CAMK1D: variants seen among roughly 807,000 people sequenced by gnomAD.
CAMK1D encodes calcium/calmodulin dependent protein kinase ID.
CAMK1D carries 9 observed loss-of-function variants against 47.7 expected under a neutral mutation model. The ratio of observed to expected loss-of-function variants is 0.19; its 90% CI spans 0.11 to 0.33. The LOEUF is 0.33. Among genes scored for constraint, CAMK1D ranks in the 10% least tolerant of loss-of-function variants. The pLI, the probability that CAMK1D is intolerant of heterozygous loss-of-function variation, is 1.00. For synonymous variants in CAMK1D, 184 were observed against 184.9 expected, an observed-to-expected ratio of 0.99 and a Z score of 0.04; for missense variants, 291 against 488.7, an observed-to-expected ratio of 0.60 and a Z score of 3.81.
At chr10:12,652,354 G>C (rs982637152) in intron 2 of CAMK1D, among the ~76,000 whole-genome samples, 3 of 151,172 alleles carry the variant, frequency 2.0e-5, no homozygotes, top group African/African-American at 7.3e-5. Context: ...GGCAGAGATG[G>C]GCGGATCACA....
chr10:12,587,121 T>C (rs1837842076), intron 2 of CAMK1D, among the ~76,000 whole-genome samples: 2 of 152,210 alleles, frequency 1.3e-5, no homozygotes, highest in African/African-American at 4.8e-5. Context: ...TAGTTGGAAA[T>C]GATCTCTGAG....
intron 2 of CAMK1D, among the ~76,000 whole-genome samples, chr10:12,611,449 T>G (rs192156608): frequency 1.3e-3 from 194 of 152,252 alleles, no homozygotes; most frequent in African/African-American, 4.5e-3. Context: ...GCTCCAGGTC[T>G]GCTTCCAGGT....
chr10:12,767,475 C>A (rs1836821051), intron 4 of CAMK1D, among the ~76,000 whole-genome samples: 1 of 152,128 alleles, frequency 6.6e-6, no homozygotes, highest in African/African-American at 2.4e-5. Context: ...CTGCGCCTAA[C>A]CAGGTCTCAG....
At chr10:12,791,453 A>C (rs572657113) in intron 6 of CAMK1D, among the ~76,000 whole-genome samples, 1 of 152,190 alleles carries the variant, frequency 6.6e-6, no homozygotes, top group East Asian at 1.9e-4. Context: ...CCAAACTGAA[A>C]CTCTACCCCT....
At chr10:12,540,515 A>G (rs1442995936) in intron 1 of CAMK1D, among the ~76,000 whole-genome samples, 1 of 152,210 alleles carries the variant, frequency 6.6e-6, no homozygotes, top group East Asian at 1.9e-4. Context: ...GTAAAGACTT[A>G]GTGCCGCAGA....
rs76034961 is a variant in CAMK1D, at chr10:12,738,047, G to A, written c.300-22901G>A. ...GAAATATTTGTAAGATCTTTGAAAC[G>A]AAGACTCTTCCTCAAGACAATAAAT... On this transcript the variant is annotated intron_variant, in intron 3 of 10. Coordinates refer to ENST00000619168, the MANE Select transcript of CAMK1D (RefSeq NM_153498.4). Among the ~76,000 whole-genome samples the A allele has an allele frequency of 8.0e-3, 1,217 of 152,270 alleles. 12 individuals carry two copies. The highest frequency in any genetic ancestry group is 0.028 in the African/African-American group (1,165 of 41,562).
At chr10:12,740,401 C>G (rs928728192) in intron 3 of CAMK1D, among the ~76,000 whole-genome samples, 6 of 152,234 alleles carry the variant, frequency 3.9e-5, no homozygotes, top group Non-Finnish European at 8.8e-5. Context: ...GAGTTTGAGA[C>G]CAGCCTGGGC....
chr10:12,583,227 A>G (rs1017550894), intron 2 of CAMK1D, among the ~76,000 whole-genome samples: 1 of 152,196 alleles, frequency 6.6e-6, no homozygotes, highest in Non-Finnish European at 1.5e-5. Flanking sequence ...TTGTAGCTCT[A>G]TCTAGAGAAG....
chr10:12,771,618 T>G (rs1021112053), intron 5 of CAMK1D, among the ~76,000 whole-genome samples: 2 of 151,842 alleles, frequency 1.3e-5, no homozygotes, highest in Admixed American at 1.3e-4. Flanking sequence ...AGCGGGGAGA[T>G]GCAGGGGTGG....
chr10:12,734,346 ATATATAT>A (rs1326854608), intron 3 of CAMK1D, among the ~76,000 whole-genome samples: 13 of 4,576 alleles, frequency 2.8e-3, no homozygotes, highest in Non-Finnish European at 6.2e-3. Flanking sequence ...AAAAAAAAAA[ATATATAT>A]ATATATATAT....
rs76194174 is a variant in CAMK1D, at chr10:12,508,952, C to T, written c.93-44273C>T. Among the ~76,000 whole-genome samples the T allele has an allele frequency of 1.3e-3, 194 of 152,324 alleles. 4 individuals are homozygous for T. In the East Asian group the frequency reaches 0.033, roughly 26 times the overall value. ...CTGCTCCCCAAATCTTTTCTGCTTC[C>T]GTTTGTCCTGTTCATTGATGGAACC... On this transcript the variant is annotated intron_variant, in intron 1 of 10. Transcript: ENST00000619168.
intron 3 of CAMK1D, among the ~76,000 whole-genome samples, chr10:12,727,631 G>T (rs1181117206): frequency 6.6e-6 from 1 of 152,146 alleles, no homozygotes; most frequent in Non-Finnish European, 1.5e-5. Flanking sequence ...AAACACAACT[G>T]CCAGCATCAA....
intron 8 of CAMK1D, among the ~76,000 whole-genome samples, chr10:12,821,635 G>A (rs989941277): frequency 3.3e-5 from 5 of 152,218 alleles, no homozygotes; most frequent in African/African-American, 1.2e-4. Flanking sequence ...GGCTGTAAAA[G>A]GTGTGATTAC....
chr10:12,548,344 T>C (rs1490930090), intron 1 of CAMK1D, among the ~76,000 whole-genome samples: 7 of 152,184 alleles, frequency 4.6e-5, no homozygotes, highest in African/African-American at 1.7e-4. Flanking sequence ...TTTTCCAATA[T>C]GTCCATCCTC....
At chr10:12,827,050 T>C (rs1833236192) in intron 10 of CAMK1D, among the ~76,000 whole-genome samples, 1 of 152,228 alleles carries the variant, frequency 6.6e-6, no homozygotes. Flanking sequence ...TCTGAGGAGC[T>C]CCACTAGGCC....
intron 1 of CAMK1D, among the ~76,000 whole-genome samples, chr10:12,523,130 T>G (rs1446889696): frequency 2.8e-5 from 4 of 145,028 alleles, no homozygotes; most frequent in Non-Finnish European, 4.5e-5. Context: ...GCAGAGACGC[T>G]CCTCACCTCC....
At chr10:12,810,027 A>G (rs547284789) in intron 6 of CAMK1D, among the ~76,000 whole-genome samples, 28 of 151,858 alleles carry the variant, frequency 1.8e-4, no homozygotes, top group East Asian at 9.8e-4. Flanking sequence ...GTGCACCTGT[A>G]GTCCCAGCTA....
At chr10:12,705,215 C>T (rs769575799) in intron 3 of CAMK1D, among the ~76,000 whole-genome samples, 9 of 152,186 alleles carry the variant, frequency 5.9e-5, no homozygotes, top group South Asian at 2.1e-4. Context: ...AATCCCAGCA[C>T]GTTGGGAGGC....
chr10:12,406,928 T>G (rs999930305), intron 1 of CAMK1D, among the ~76,000 whole-genome samples: 64 of 152,052 alleles, frequency 4.2e-4, no homozygotes, highest in African/African-American at 1.5e-3. Flanking sequence ...CGAGGCCACC[T>G]AGGGTGACGT....
Sources: allele counts gnomAD v4.1 joint callset (sites outside exome capture counted in the v4.1 genomes callset), GRCh38; gene constraint gnomAD v4.1.1; transcripts MANE v1.5; gene names NCBI Gene and HGNC (gene_info 2026-07-23, HGNC 2026-07-21).